RIN3: variants seen among roughly 807,000 people sequenced by gnomAD.
RIN3 encodes the protein Ras and Rab interactor 3.
Under a neutral mutation model 76.3 loss-of-function variants are expected in RIN3, and 54 were observed. The observed-to-expected ratio is 0.71, with a 90% CI of 0.57 to 0.89. The LOEUF (loss-of-function observed/expected upper bound fraction) is 0.89, where lower values mean the gene tolerates loss of function less well. RIN3 is among the 40% of genes least tolerant of loss of function. RIN3 has a pLI of 0.00. For synonymous variants in RIN3, 576 were observed against 564.0 expected (o/e 1.02, Z -0.30); for missense variants, 1,256 against 1,322.1 (o/e 0.95, Z 0.78).
intron 1 of RIN3, among the ~76,000 whole-genome samples, chr14:92,542,321 A>C (rs1277615071): frequency 6.6e-6 from 1 of 152,186 alleles, no homozygotes; most frequent in African/African-American, 2.4e-5. Flanking sequence ...CAGATGCTCA[A>C]TATCAATAGC....
At chr14:92,529,300 G>T (rs1244843062) in intron 1 of RIN3, among the ~76,000 whole-genome samples, 2 of 150,524 alleles carry the variant, frequency 1.3e-5, no homozygotes, top group African/African-American at 4.9e-5. Flanking sequence ...CTGGGCTGGA[G>T]TGCAGTGGTG....
At chr14:92,516,918 G>C (rs1272582629) in intron 1 of RIN3, among the ~76,000 whole-genome samples, 2 of 152,242 alleles carry the variant, frequency 1.3e-5, no homozygotes, top group African/African-American at 4.8e-5. Context: ...TGGAAGCAGA[G>C]AGAGGCATGA....
At chr14:92,580,470 T>G (rs1247313847) in intron 3 of RIN3, among the ~76,000 whole-genome samples, 2 of 152,206 alleles carry the variant, frequency 1.3e-5, no homozygotes, top group Admixed American at 6.5e-5. Context: ...CAGAGCTCAC[T>G]TCAGATGGAG....
rs142902888 is a variant in RIN3, at chr14:92,652,891, G to A, written c.1842G>A (p.Ser614=). The change falls in exon 6 of 10, where the codon TCG becomes TCA. Residue 614 remains serine, a synonymous_variant. Transcript: ENST00000216487. The surrounding 1 kb of genome is among the most constrained non-coding windows in gnomAD (Gnocchi z 6.4). The stretch of plus-strand genomic sequence containing the variant: ...TGGAGCTGGCGCAGGACAAGGGCTC[G>A]TACTTTGGCAGCCTGGTGCAGGACT... ...KVVELAQDKG[S]YFGSLVQDYK... 47 of 1,614,064 alleles carry A rather than the reference G, an allele frequency of 2.9e-5. No homozygotes were observed. Among genetic ancestry groups the A allele is most frequent in the African/African-American group, 1.3e-4 (10 of 75,040 alleles).
chr14:92,537,336 A>C (rs1410811051), intron 1 of RIN3, among the ~76,000 whole-genome samples: 1 of 152,232 alleles, frequency 6.6e-6, no homozygotes, highest in Middle Eastern at 3.4e-3. Flanking sequence ...AGGTATTCTC[A>C]TGATTCTTCT....
At chr14:92,595,054 C>T (rs1247750955) in intron 3 of RIN3, among the ~76,000 whole-genome samples, 1 of 152,210 alleles carries the variant, frequency 6.6e-6, no homozygotes. Context: ...CTGCTGCATT[C>T]ATTGATAACA....
intron 1 of RIN3, among the ~76,000 whole-genome samples, chr14:92,528,107 C>T (rs1055730995): frequency 6.6e-6 from 1 of 152,008 alleles, no homozygotes; most frequent in Non-Finnish European, 1.5e-5. Flanking sequence ...GGACTAAGGC[C>T]TCGGCATCAA....
chr14:92,550,470 A>G (rs11622871), intron 1 of RIN3, among the ~76,000 whole-genome samples: 42,542 of 152,022 alleles, frequency 0.28, 6,559 homozygotes, highest in Middle Eastern at 0.4. Flanking sequence ...CTGGAATGCA[A>G]TGAGGCGATC....
chr14:92,550,962 C>T (rs1897406924), intron 1 of RIN3, among the ~76,000 whole-genome samples: 1 of 152,188 alleles, frequency 6.6e-6, no homozygotes, highest in South Asian at 2.1e-4. Context: ...ACAAGTAACC[C>T]TCAATGTTTT....
intron 4 of RIN3, among the ~76,000 whole-genome samples, chr14:92,621,352 G>A (rs1886176193): frequency 1.3e-5 from 2 of 150,732 alleles, no homozygotes; most frequent in African/African-American, 4.9e-5. Flanking sequence ...GATTTATTCT[G>A]AACCAAATAT....
intron 1 of RIN3, among the ~76,000 whole-genome samples, chr14:92,544,719 TA>T (rs76327899): frequency 0.47 from 71,058 of 151,320 alleles, 16,790 homozygotes; most frequent in Middle Eastern, 0.6. Context: ...CTTTTTTTTT[TA>T]AATTAAATAT....
chr14:92,668,907 A>G (rs911967366), intron 7 of RIN3, among the ~76,000 whole-genome samples: 4 of 152,220 alleles, frequency 2.6e-5, no homozygotes, highest in African/African-American at 9.6e-5. Context: ...TTTGAAGTCT[A>G]CTGTTCTAAA....
rs1027388761 is a variant in RIN3, at chr14:92,586,609, T to C, written c.367+9132T>C. On this transcript the variant is annotated intron_variant, in intron 3 of 9. Coordinates refer to ENST00000216487, the MANE Select transcript of RIN3 (RefSeq NM_024832.5). ...GTGTATTCTTAGCCTCCTTTTTTTT[T>C]CACTTAGACATTTTATTATGAGCTT... 8 of 152,354 alleles carry C rather than the reference T, an allele frequency of 5.3e-5. No homozygotes were observed. The East Asian group carries it at 1.3e-3, about 26-fold the overall frequency. 9.4% of individuals were successfully genotyped at this position (152,354 alleles called of 1,614,324 possible). A position where few individuals can be genotyped will look rare whatever the true frequency, so the allele number is the denominator to read the frequency against.
At chr14:92,670,228 T>C (rs1682476964) in intron 7 of RIN3, among the ~76,000 whole-genome samples, 1 of 152,186 alleles carries the variant, frequency 6.6e-6, no homozygotes, top group Admixed American at 6.5e-5. Context: ...GGATGAAATA[T>C]GCATAAAACC....
intron 1 of RIN3, among the ~76,000 whole-genome samples, chr14:92,537,091 A>G (rs1897018685): frequency 6.6e-6 from 1 of 152,110 alleles, no homozygotes. Flanking sequence ...CCCCTTCCTG[A>G]CACTAGCTTC....
intron 1 of RIN3, among the ~76,000 whole-genome samples, chr14:92,526,949 G>A (rs1400766117): frequency 6.6e-6 from 1 of 152,070 alleles, no homozygotes. Flanking sequence ...CCCAGGCAAT[G>A]CCTGGGGTCC....
intron 3 of RIN3, among the ~76,000 whole-genome samples, chr14:92,601,461 G>A (rs8012413): frequency 0.37 from 56,136 of 151,946 alleles, 10,909 homozygotes; most frequent in African/African-American, 0.48. Context: ...AAGTTCCCAA[G>A]CTTGCAGGGG....
chr14:92,621,698 G>T (rs914564118), intron 4 of RIN3, among the ~76,000 whole-genome samples: 4 of 152,334 alleles, frequency 2.6e-5, no homozygotes, highest in African/African-American at 9.6e-5. Context: ...CATAGTGGCT[G>T]CCCTTAGAAA....
chr14:92,592,842 A>T (rs1885031295), intron 3 of RIN3, among the ~76,000 whole-genome samples: 1 of 151,608 alleles, frequency 6.6e-6, no homozygotes, highest in South Asian at 2.1e-4. Context: ...TGCCCAGCTA[A>T]TTTTTTGTGT....
Sources: allele counts gnomAD v4.1 joint callset (sites outside exome capture counted in the v4.1 genomes callset), GRCh38; gene constraint gnomAD v4.1.1; non-coding constraint Gnocchi (gnomAD v3.1); transcripts MANE v1.5; gene names NCBI Gene and HGNC (gene_info 2026-07-23, HGNC 2026-07-21).